PCDH15: variants seen among roughly 807,000 people sequenced by gnomAD.
The protein encoded by PCDH15 is protocadherin-15.
In PCDH15, 129 loss-of-function variants were observed where a neutral mutation model predicts 178.5. The ratio of observed to expected loss-of-function variants is 0.72; its 90% CI spans 0.63 to 0.84. The LOEUF is 0.84. Ranked by LOEUF, PCDH15 falls within the 40% of genes least tolerant of loss-of-function variation. The probability of loss-of-function intolerance (pLI) is 0.00; values close to 1 mark genes in which losing one functional copy is unlikely to be tolerated. For synonymous variants in PCDH15, 800 were observed against 732.0 expected, an observed-to-expected ratio of 1.09 and a Z score of -1.50; for missense variants, 2,230 against 2,099.9, an observed-to-expected ratio of 1.06 and a Z score of -1.21.
chr10:54,235,551 A>ATT (rs1211232535), intron 9 of PCDH15, among the ~76,000 whole-genome samples: 1 of 152,152 alleles, frequency 6.6e-6, no homozygotes, highest in East Asian at 1.9e-4. Flanking sequence ...TTTCTGCTAA[A>ATT]ATGACACTTC....
chr10:55,580,173 T>C (rs1842581264), intron 2 of PCDH15, among the ~76,000 whole-genome samples: 1 of 151,784 alleles, frequency 6.6e-6, no homozygotes, highest in South Asian at 2.1e-4. Context: ...TGTTGTTTTA[T>C]ATGCACACAC....
Position 54,280,405 on chromosome 10 carries a change from C to T in PCDH15, c.876+36866G>A, listed in dbSNP as rs1284745944. Among the ~76,000 whole-genome samples, 3 of 151,542 alleles carry T rather than the reference C, an allele frequency of 2.0e-5. No individual in the cohort carries two copies. The South Asian group carries it at 6.2e-4, about 31-fold the overall frequency. On this transcript the variant is annotated intron_variant, in intron 8 of 37. Transcript: ENST00000644397. The stretch of plus-strand genomic sequence containing the variant: ...TTTATCAAGTCTCTGCTTCATATTT[C>T]CTTCTCTACACCATTACAGTCCTCA...
chr10:54,825,994 A>G (rs1953125938), intron 3 of PCDH15, among the ~76,000 whole-genome samples: 1 of 152,054 alleles, frequency 6.6e-6, no homozygotes, highest in African/African-American at 2.4e-5. Flanking sequence ...TTAATTTAAA[A>G]TTTTTCAGTC....
At chr10:54,756,960 C>T (rs1432645182) in intron 1 of PCDH15, among the ~76,000 whole-genome samples, 2 of 151,648 alleles carry the variant, frequency 1.3e-5, no homozygotes, top group African/African-American at 4.8e-5. Context: ...TTTGGACTTC[C>T]TATTATTGTA....
chr10:55,122,808 C>T (rs1837802935), intron 2 of PCDH15, among the ~76,000 whole-genome samples: 1 of 151,950 alleles, frequency 6.6e-6, no homozygotes, highest in African/African-American at 2.4e-5. Context: ...GTGACAAATA[C>T]AAATATGTAT....
chr10:55,308,380 T>C (rs1391622225), intron 1 of PCDH15, among the ~76,000 whole-genome samples: 1 of 152,118 alleles, frequency 6.6e-6, no homozygotes, highest in Non-Finnish European at 1.5e-5. Flanking sequence ...CCAGAAACAC[T>C]TTCCACTCGT....
At chr10:55,515,470 G>C (rs1199384588) in intron 2 of PCDH15, among the ~76,000 whole-genome samples, 1 of 151,856 alleles carries the variant, frequency 6.6e-6, no homozygotes, top group Non-Finnish European at 1.5e-5. Context: ...CTTTCATTAA[G>C]GTAGATTTTT....
rs970956139 is a variant in PCDH15, at chr10:54,189,422, G to A, written c.1306-4154C>T. 5 of 1,438,438 alleles carry A rather than the reference G, an allele frequency of 3.5e-6. No individual in the cohort carries two copies. In the African/African-American group the frequency reaches 4.3e-5, roughly 12 times the overall value. The allele number at this position is 1,438,438 out of a possible 1,614,324, so 89.1% of individuals were successfully genotyped here. A position where few individuals can be genotyped will look rare whatever the true frequency, so the allele number is the denominator to read the frequency against. On this transcript the variant is annotated intron_variant, in intron 11 of 37. Transcript: ENST00000644397. ...TAAACATGAAATAAATATTGTAAAT[G>A]TAAATGATCACAACCGCACATATGA...
intron 2 of PCDH15, among the ~76,000 whole-genome samples, chr10:55,588,802 C>A (rs1341394017): frequency 6.6e-6 from 1 of 152,098 alleles, no homozygotes; most frequent in African/African-American, 2.4e-5. Flanking sequence ...AAGGAATAGG[C>A]AAGGCAAGGA....
At chr10:55,355,557 G>A (rs1357245220) in intron 2 of PCDH15, among the ~76,000 whole-genome samples, 1 of 151,784 alleles carries the variant, frequency 6.6e-6, no homozygotes, top group Non-Finnish European at 1.5e-5. Flanking sequence ...AGTGTCCCAG[G>A]TCTTTTCCAA....
chr10:55,108,912 T>A (rs1837425983), intron 2 of PCDH15, among the ~76,000 whole-genome samples: 1 of 152,126 alleles, frequency 6.6e-6, no homozygotes, highest in African/African-American at 2.4e-5. Context: ...TTTTAGAGGA[T>A]AGACAGCAGT....
At chr10:54,438,800 A>G (rs960888939) in intron 3 of PCDH15, among the ~76,000 whole-genome samples, 3 of 151,982 alleles carry the variant, frequency 2.0e-5, no homozygotes, top group Non-Finnish European at 4.4e-5. Flanking sequence ...CTCTCTTCCT[A>G]TTTGGAAGGA....
intron 18 of PCDH15, among the ~76,000 whole-genome samples, chr10:54,040,645 T>C (rs2093521707): frequency 6.6e-6 from 1 of 151,934 alleles, no homozygotes; most frequent in African/African-American, 2.4e-5. Context: ...CAATTATGTA[T>C]GTATGGAGAT....
At chr10:54,905,889 G>A (rs918788208) in intron 2 of PCDH15, among the ~76,000 whole-genome samples, 2 of 151,992 alleles carry the variant, frequency 1.3e-5, no homozygotes, top group African/African-American at 2.4e-5. Flanking sequence ...CAGATTAACC[G>A]ATTTACTTTC....
intron 21 of PCDH15, among the ~76,000 whole-genome samples, chr10:53,967,882 A>G (rs1056616329): frequency 6.6e-6 from 1 of 152,146 alleles, no homozygotes; most frequent in Middle Eastern, 3.2e-3. Context: ...TTACAAGTAA[A>G]TCAATATTTG....
At chr10:54,792,413 C>T (rs1157459039) in intron 1 of PCDH15, among the ~76,000 whole-genome samples, 1 of 151,946 alleles carries the variant, frequency 6.6e-6, no homozygotes, top group African/African-American at 2.4e-5. Flanking sequence ...TGTGTGTCAA[C>T]TTGACTGGGC....
At chr10:54,280,039 C>G (rs2058587301) in intron 8 of PCDH15, among the ~76,000 whole-genome samples, 1 of 151,628 alleles carries the variant, frequency 6.6e-6, no homozygotes, top group Admixed American at 6.6e-5. Context: ...CCATATATTA[C>G]ACATTTATGC....
chr10:54,997,961 T>G (rs1381330046), intron 2 of PCDH15, among the ~76,000 whole-genome samples: 1 of 152,174 alleles, frequency 6.6e-6, no homozygotes, highest in African/African-American at 2.4e-5. Context: ...TTGTAGAATG[T>G]TCTCATCTAT....
intron 17 of PCDH15, among the ~76,000 whole-genome samples, chr10:54,068,048 A>C (rs1238787524): frequency 6.6e-6 from 1 of 152,118 alleles, no homozygotes; most frequent in Non-Finnish European, 1.5e-5. Context: ...GGGTCACAGA[A>C]GTTCTATACC....
Sources: allele counts gnomAD v4.1 joint callset (sites outside exome capture counted in the v4.1 genomes callset), GRCh38; gene constraint gnomAD v4.1.1; transcripts MANE v1.5; gene names NCBI Gene and HGNC (gene_info 2026-07-23, HGNC 2026-07-21).